Variants in METTL16 observed in about 807,000 individuals in gnomAD.
METTL16 encodes RNA N(6)-adenosine-methyltransferase METTL16.
METTL16 carries 19 observed loss-of-function variants against 57.9 expected under a neutral mutation model. That is an observed-to-expected ratio of 0.33 (90% CI 0.23 to 0.48). METTL16 has a LOEUF of 0.48. Among genes scored for constraint, METTL16 ranks in the 20% least tolerant of loss-of-function variants. METTL16 has a pLI of 0.99. For synonymous variants in METTL16, 246 were observed against 255.6 expected (o/e 0.96, Z 0.36); for missense variants, 434 against 691.5 (o/e 0.63, Z 4.18).
intron 8 of METTL16, among the ~76,000 whole-genome samples, chr17:2,428,591 AT>A (rs1567881646): frequency 0.012 from 554 of 48,002 alleles, 43 homozygotes; most frequent in African/African-American, 0.05. Flanking sequence ...ATATATATAT[AT>A]ATATATATAT....
intron 5 of METTL16, among the ~76,000 whole-genome samples, chr17:2,466,193 C>CACAAAAAAAAAAAAA (rs1567895715): frequency 9.6e-6 from 1 of 103,900 alleles, no homozygotes; most frequent in African/African-American, 3.0e-5. Flanking sequence ...GACTCTGTCA[C>CACAAAAAAAAAAAAA]AAAAAAAAAA....
chr17:2,458,711 C>A (rs1343798817), intron 6 of METTL16, among the ~76,000 whole-genome samples: 1 of 152,032 alleles, frequency 6.6e-6, no homozygotes, highest in East Asian at 1.9e-4. Context: ...GACTCTGACA[C>A]ACACACACAT....
intron 2 of METTL16, among the ~76,000 whole-genome samples, chr17:2,492,303 T>C (rs2151575881): frequency 6.6e-6 from 1 of 152,322 alleles, no homozygotes; most frequent in South Asian, 2.1e-4. Context: ...TTGTAGGCTG[T>C]CCCTATGGAA....
At chr17:2,508,893 C>T (rs2067566978) in intron 1 of METTL16, among the ~76,000 whole-genome samples, 1 of 152,184 alleles carries the variant, frequency 6.6e-6, no homozygotes, top group Non-Finnish European at 1.5e-5. Flanking sequence ...TGGTCTTCTT[C>T]CATTTTCTCT....
intron 6 of METTL16, among the ~76,000 whole-genome samples, chr17:2,446,748 T>G (rs1280172437): frequency 6.6e-6 from 1 of 151,650 alleles, no homozygotes; most frequent in African/African-American, 2.4e-5. Context: ...CCTCACTGGT[T>G]CTCGTTTTTT....
chr17:2,438,047 A>C, intron 8 of METTL16, 62 bp downstream of exon 8: 1 of 1,188,366 alleles, frequency 8.4e-7, no homozygotes, highest in Non-Finnish European at 1.3e-6. Context: ...CAGTTCACTT[A>C]TGATGGACTG....
At position 2,447,074 on chromosome 17, in the gene METTL16, G is replaced by A. The variant is rs1414247325; in HGVS notation, c.729-5515C>T. On this transcript the variant is annotated intron_variant, in intron 6 of 9. Transcript: ENST00000263092. Reference sequence around the variant, plus strand: ...GGGATATGAGGAGCCTCTCTGCCTGGCTGCCCAGTCTGGAAAGTGAGGAGC... The same window carrying A: ...GGGATATGAGGAGCCTCTCTGCCTGACTGCCCAGTCTGGAAAGTGAGGAGC... Among the ~76,000 whole-genome samples, 561 of 146,904 alleles carry A rather than the reference G, an allele frequency of 3.8e-3. 1 individual carries two copies. Among genetic ancestry groups the A allele is most frequent in the African/African-American group, 0.014 (525 of 37,234 alleles).
intron 6 of METTL16, among the ~76,000 whole-genome samples, chr17:2,443,646 C>A (rs1369897727): frequency 6.6e-6 from 1 of 151,846 alleles, no homozygotes; most frequent in African/African-American, 2.4e-5. Flanking sequence ...ACCACGACGC[C>A]CGGCTATTTT....
intron 2 of METTL16, among the ~76,000 whole-genome samples, chr17:2,497,162 C>T (rs978889420): frequency 3.3e-5 from 5 of 151,118 alleles, no homozygotes; most frequent in Non-Finnish European, 5.9e-5. Flanking sequence ...CGCACCATCA[C>T]GCCTGGCTTA....
intron 6 of METTL16, among the ~76,000 whole-genome samples, chr17:2,457,501 G>GC (rs2067120194): frequency 6.6e-6 from 1 of 151,988 alleles, no homozygotes; most frequent in African/African-American, 2.4e-5. Context: ...GAGGTCAGGA[G>GC]TTTTGAGACC....
chr17:2,506,112 T>C (rs1022415373), intron 1 of METTL16, among the ~76,000 whole-genome samples: 1 of 151,904 alleles, frequency 6.6e-6, no homozygotes, highest in African/African-American at 2.4e-5. Flanking sequence ...ATTCTTTTTA[T>C]CTGTAACGTT....
intron 2 of METTL16, among the ~76,000 whole-genome samples, chr17:2,499,498 C>G (rs2151579200): frequency 6.8e-6 from 1 of 147,952 alleles, no homozygotes; most frequent in South Asian, 2.1e-4. Context: ...CTACTAGGAT[C>G]AACATCCACG....
intron 6 of METTL16, among the ~76,000 whole-genome samples, chr17:2,461,420 T>C (rs1180987362): frequency 2.6e-5 from 4 of 152,080 alleles, no homozygotes; most frequent in Non-Finnish European, 4.4e-5. Flanking sequence ...GATTTTGGAA[T>C]TGGTCTTTAA....
chr17:2,491,342 G>A (rs1216363281), intron 2 of METTL16, among the ~76,000 whole-genome samples: 1 of 152,188 alleles, frequency 6.6e-6, no homozygotes, highest in Non-Finnish European at 1.5e-5. Context: ...TACCACTGAT[G>A]AATACAGTAT....
intron 8 of METTL16, among the ~76,000 whole-genome samples, chr17:2,428,411 G>A (rs1952286867): frequency 6.6e-6 from 1 of 151,060 alleles, no homozygotes; most frequent in South Asian, 2.1e-4. Context: ...TGCCTCAGTA[G>A]AGATAGTAAG....
chr17:2,482,894 G>C (rs1247480824), intron 2 of METTL16, among the ~76,000 whole-genome samples: 2 of 152,110 alleles, frequency 1.3e-5, no homozygotes, highest in African/African-American at 4.8e-5. Context: ...CTGGGTGACA[G>C]AGTGGGACCC....
chr17:2,424,140 G>A (rs1263717112), intron 8 of METTL16: 4 of 148,760 alleles, frequency 2.7e-5, no homozygotes, highest in Non-Finnish European at 4.4e-5. Context: ...TTGAGACGGA[G>A]TCTCGCTCTG....
chr17:2,432,171 C>T (rs1029391908), intron 8 of METTL16, among the ~76,000 whole-genome samples: 4 of 152,136 alleles, frequency 2.6e-5, no homozygotes, highest in Admixed American at 2.0e-4. Flanking sequence ...AGGATGGTCT[C>T]GATCTCCTGA....
chr17:2,506,980 G>A (rs546977060), intron 1 of METTL16, among the ~76,000 whole-genome samples: 1,528 of 117,284 alleles, frequency 0.013, 27 homozygotes, highest in African/African-American at 0.042. Context: ...CAACCGCCCC[G>A]TCGGAGAAGT....
Sources: gnomAD v4.1 joint callset for allele counts (sites outside exome capture counted in the v4.1 genomes callset) on GRCh38, gnomAD v4.1.1 for gene constraint, MANE v1.5 for transcripts, NCBI Gene and HGNC (gene_info 2026-07-23, HGNC 2026-07-21) for gene names.